The following PCDH15 variants were observed in gnomAD, a reference collection of about 807,000 sequenced individuals.
PCDH15 encodes the protein protocadherin-15.
A neutral mutation model predicts 178.5 loss-of-function variants in PCDH15; 129 were observed. That is an observed-to-expected ratio of 0.72 (90% CI 0.63 to 0.84). The LOEUF (loss-of-function observed/expected upper bound fraction) is 0.84. Ranked by LOEUF, PCDH15 falls within the 40% of genes least tolerant of loss-of-function variation. The pLI is 0.00. For missense variants in PCDH15, 2,230 were observed against 2,099.9 expected (o/e 1.06, Z -1.21); for synonymous variants, 800 against 732.0 (o/e 1.09, Z -1.50).
rs1219619746 is a variant in PCDH15 at position 55,173,307 on chromosome 10, TTA to T, written c.-155-6658_-155-6657del. 3.6e-4 allele frequency among the ~76,000 whole-genome samples: 23 copies of T among 64,160 alleles called. No homozygotes were observed. In the South Asian group the frequency reaches 8.7e-3, roughly 24 times the overall value. 42.1% of individuals were successfully genotyped at this position (64,160 alleles called of 152,430 possible). On this transcript the variant is annotated intron_variant, in intron 1 of 5. Transcript: ENST00000458638. Reference sequence around the variant, plus strand: ...ATCCTTTGATTCTATATTAGAAAGATTATGTGTGTGTGTGTGTGTGTGTGTGT... The same window carrying T: ...ATCCTTTGATTCTATATTAGAAAGATTGTGTGTGTGTGTGTGTGTGTGTGT...
At chr10:55,107,518 G>T (rs1441708518) in intron 2 of PCDH15, among the ~76,000 whole-genome samples, 1 of 118,954 alleles carries the variant, frequency 8.4e-6, no homozygotes, top group African/African-American at 3.4e-5. Flanking sequence ...TTGAGATGGA[G>T]CCTCGCCCTG....
At chr10:54,543,966 C>T (rs11004370) in intron 2 of PCDH15, among the ~76,000 whole-genome samples, 17,901 of 151,802 alleles carry the variant, frequency 0.12, 1,345 homozygotes, top group East Asian at 0.39. Context: ...TCAGACATAC[C>T]GAAGAACACC....
At chr10:54,750,617 A>G (rs1946100550) in intron 1 of PCDH15, among the ~76,000 whole-genome samples, 1 of 152,092 alleles carries the variant, frequency 6.6e-6, no homozygotes, top group Non-Finnish European at 1.5e-5. Context: ...TTTATTATGA[A>G]TTATCAACTA....
chr10:54,114,485 A>G (rs2095079515), intron 15 of PCDH15, among the ~76,000 whole-genome samples: 1 of 152,194 alleles, frequency 6.6e-6, no homozygotes. Context: ...ATTACATAGT[A>G]TATTCCAGGC....
chr10:54,892,381 A>G (rs1292240248), intron 3 of PCDH15, among the ~76,000 whole-genome samples: 1 of 152,130 alleles, frequency 6.6e-6, no homozygotes. Context: ...CTTGAAGACA[A>G]GGAAAAATAT....
intron 3 of PCDH15, 141 bp downstream of exon 3, chr10:54,527,671 T>G (rs1353509128): frequency 1.9e-6 from 1 of 515,094 alleles, no homozygotes; most frequent in African/African-American, 2.0e-5. Flanking sequence ...TGGCATAATT[T>G]AAACCCATAC....
chr10:54,542,218 A>G (rs2085320791), intron 2 of PCDH15, among the ~76,000 whole-genome samples: 1 of 152,190 alleles, frequency 6.6e-6, no homozygotes, highest in African/African-American at 2.4e-5. Flanking sequence ...GACTGTGCTA[A>G]TATTTACCTT....
At chr10:54,730,119 C>T (rs1292358827) in intron 1 of PCDH15, among the ~76,000 whole-genome samples, 2 of 151,368 alleles carry the variant, frequency 1.3e-5, no homozygotes. Context: ...TGCAGCACTA[C>T]TTATAGTAAC....
intron 8 of PCDH15, among the ~76,000 whole-genome samples, chr10:54,291,993 C>G (rs2059444691): frequency 6.6e-6 from 1 of 152,168 alleles, no homozygotes; most frequent in African/African-American, 2.4e-5. Context: ...CATCCTGATA[C>G]CAAAGCCTGG....
intron 1 of PCDH15, among the ~76,000 whole-genome samples, chr10:55,298,633 G>A (rs2132275433): frequency 6.6e-6 from 1 of 152,066 alleles, no homozygotes; most frequent in East Asian, 1.9e-4. Context: ...CCAGGCTGGA[G>A]TGTAGTGGAG....
chr10:54,977,324 C>T (rs1207364593), intron 2 of PCDH15, among the ~76,000 whole-genome samples: 1 of 152,078 alleles, frequency 6.6e-6, no homozygotes, highest in African/African-American at 2.4e-5. Context: ...GCTGATAAAA[C>T]GTGATGGTAA....
intron 17 of PCDH15, among the ~76,000 whole-genome samples, chr10:54,077,867 A>G (rs1464407756): frequency 6.6e-6 from 1 of 152,180 alleles, no homozygotes; most frequent in East Asian, 1.9e-4. Context: ...GTTCGAGTCC[A>G]GCCTGGCCAA....
chr10:54,486,305 A>G (rs1443063010), intron 3 of PCDH15: 2 of 152,002 alleles, frequency 1.3e-5, no homozygotes, highest in East Asian at 3.9e-4. Context: ...ACAGGTGCTC[A>G]TTTTCATCCT....
At chr10:55,623,200 G>C (rs1328317026) in intron 2 of PCDH15, among the ~76,000 whole-genome samples, 2 of 152,124 alleles carry the variant, frequency 1.3e-5, no homozygotes, top group Non-Finnish European at 2.9e-5. Flanking sequence ...CGAAGACTTT[G>C]AATAGGCTCT....
At chr10:54,895,638 A>G (rs1954532442) in intron 3 of PCDH15, among the ~76,000 whole-genome samples, 1 of 152,184 alleles carries the variant, frequency 6.6e-6, no homozygotes, top group African/African-American at 2.4e-5. Flanking sequence ...AAGAGGCAAG[A>G]AATTTCCTCT....
chr10:54,885,733 T>C (rs1489814578), intron 3 of PCDH15, among the ~76,000 whole-genome samples: 1 of 152,034 alleles, frequency 6.6e-6, no homozygotes, highest in Non-Finnish European at 1.5e-5. Flanking sequence ...CTTCTCACTA[T>C]TCCATACATA....
intron 7 of PCDH15, among the ~76,000 whole-genome samples, chr10:54,326,433 T>C (rs1006936584): frequency 1.3e-5 from 2 of 152,178 alleles, no homozygotes; most frequent in African/African-American, 4.8e-5. Flanking sequence ...AATTCCATTT[T>C]TAATTACTGA....
chr10:54,362,265 A>G (rs1225465379), intron 5 of PCDH15, among the ~76,000 whole-genome samples: 1 of 152,082 alleles, frequency 6.6e-6, no homozygotes, highest in Non-Finnish European at 1.5e-5. Flanking sequence ...ACAAATTTGG[A>G]TAAGAACAAA....
At chr10:54,948,520 C>T (rs576432530) in intron 2 of PCDH15, among the ~76,000 whole-genome samples, 15 of 152,012 alleles carry the variant, frequency 9.9e-5, no homozygotes, top group African/African-American at 3.4e-4. Context: ...GAGATTAGCA[C>T]TTACATCAAT....
Sources: gnomAD v4.1 joint callset for allele counts (sites outside exome capture counted in the v4.1 genomes callset) on GRCh38, gnomAD v4.1.1 for gene constraint, MANE v1.5 for transcripts, NCBI Gene and HGNC (gene_info 2026-07-23, HGNC 2026-07-21) for gene names.